ADAMTS19: variants seen among roughly 807,000 people sequenced by gnomAD.
ADAMTS19 encodes the protein A disintegrin and metalloproteinase with thrombospondin motifs 19.
In ADAMTS19, 93 loss-of-function variants were observed where a neutral mutation model predicts 153.3. That is an observed-to-expected ratio of 0.61 (90% CI 0.51 to 0.72). The LOEUF (loss-of-function observed/expected upper bound fraction) is 0.72. Ranked by LOEUF, ADAMTS19 falls within the 30% of genes least tolerant of loss-of-function variation. The pLI, the probability that ADAMTS19 is intolerant of heterozygous loss-of-function variation, is 0.00. For missense variants in ADAMTS19, 1,482 were observed against 1,552.1 expected, an observed-to-expected ratio of 0.95 and a Z score of 0.76; for synonymous variants, 600 against 556.6, an observed-to-expected ratio of 1.08 and a Z score of -1.10.
At chr5:129,694,105 A>G (rs1045617502) in intron 18 of ADAMTS19, among the ~76,000 whole-genome samples, 6 of 152,186 alleles carry the variant, frequency 3.9e-5, no homozygotes, top group Admixed American at 3.3e-4. Context: ...AAAGATGGCC[A>G]CAATCCTTTA....
intron 7 of ADAMTS19, among the ~76,000 whole-genome samples, chr5:129,585,900 C>G: frequency 6.6e-6 from 1 of 152,024 alleles, no homozygotes; most frequent in East Asian, 1.9e-4. Context: ...CTCCTGGGCA[C>G]TTTTAAGATT....
intron 15 of ADAMTS19, among the ~76,000 whole-genome samples, chr5:129,659,080 C>T (rs928551667): frequency 3.3e-5 from 5 of 152,150 alleles, no homozygotes; most frequent in Admixed American, 6.5e-5. Flanking sequence ...TTTGTAACAG[C>T]CTAAAGCAAC....
intron 10 of ADAMTS19, among the ~76,000 whole-genome samples, chr5:129,626,297 T>G (rs750992692): frequency 1.1e-4 from 16 of 152,096 alleles, no homozygotes; most frequent in Non-Finnish European, 2.1e-4. Context: ...TAAACTAATT[T>G]TTTTGTCTCC....
chr5:129,565,397 G>C (rs1753672409), intron 7 of ADAMTS19, among the ~76,000 whole-genome samples: 1 of 152,074 alleles, frequency 6.6e-6, no homozygotes, highest in Admixed American at 6.5e-5. Flanking sequence ...TGAGAGGCCT[G>C]GAAATATACT....
At chr5:129,629,736 T>C (rs42255) in intron 10 of ADAMTS19, among the ~76,000 whole-genome samples, 72,377 of 151,922 alleles carry the variant, frequency 0.48, 19,900 homozygotes, top group African/African-American at 0.76. Context: ...CTTGGATGGC[T>C]TTGTTCCTGA....
chr5:129,626,442 G>A (rs1185491671), intron 10 of ADAMTS19, among the ~76,000 whole-genome samples: 1 of 151,962 alleles, frequency 6.6e-6, no homozygotes, highest in Non-Finnish European at 1.5e-5. Flanking sequence ...AAATATGATT[G>A]TTTATTTAGG....
chr5:129,571,128 T>C (rs1009692851), intron 7 of ADAMTS19, among the ~76,000 whole-genome samples: 4 of 151,852 alleles, frequency 2.6e-5, no homozygotes, highest in Admixed American at 2.0e-4. Context: ...TAAAACTGTC[T>C]CTGCAGAAAA....
chr5:129,721,900 GC>G (rs1345021182), intron 21 of ADAMTS19, among the ~76,000 whole-genome samples: 1 of 152,124 alleles, frequency 6.6e-6, no homozygotes, highest in Non-Finnish European at 1.5e-5. Context: ...ATGTCTTCCA[GC>G]TGTATCCATG....
intron 6 of ADAMTS19, among the ~76,000 whole-genome samples, chr5:129,540,020 T>G (rs1309551182): frequency 6.6e-6 from 1 of 152,086 alleles, no homozygotes; most frequent in East Asian, 1.9e-4. Flanking sequence ...CCTTTCTAGT[T>G]AGGGTAAAGA....
At chr5:129,637,353 C>T (rs1752575956) in intron 10 of ADAMTS19, among the ~76,000 whole-genome samples, 1 of 152,036 alleles carries the variant, frequency 6.6e-6, no homozygotes, top group African/African-American at 2.4e-5. Flanking sequence ...AGGAAGAAAA[C>T]CTAATTTGGT....
In ADAMTS19 at chr5:129,701,546, A is replaced by T. The variant is rs775033482; in HGVS notation, c.3113A>T (p.Glu1038Val). The change falls in exon 20 of 23, where the codon GAG becomes GTG. Residue 1038 changes from glutamate to valine, a missense_variant. Glu to Val is a moderately radical substitution (Grantham distance 121). Around this residue, in one of 2 missense-constraint regions of ADAMTS19, gnomAD observed 616 missense variants for 724.4 expected, o/e 0.85. Coordinates refer to ENST00000274487, the MANE Select transcript of ADAMTS19 (RefSeq NM_133638.6). ...GPKPASAQRCEGQDCMTVWEA... is the reference protein window; with the variant it reads ...GPKPASAQRCVGQDCMTVWEA... ...AAGCCCGCCTCTGCCCAGCGCTGTG[A>T]GGGCCAGGACTGCATGACCGTGTGG... The T allele has an allele frequency of 1.1e-5, 18 of 1,614,082 alleles. No homozygotes were observed. The highest frequency in any genetic ancestry group is 1.1e-5 in the Non-Finnish European group (13 of 1,180,030).
chr5:129,534,703 C>T lies in ADAMTS19; in HGVS notation c.1328+6026C>T, dbSNP rs1752349289. Among the ~76,000 whole-genome samples the T allele has an allele frequency of 3.3e-5, 5 of 152,276 alleles. No homozygotes were observed. In the South Asian group the frequency reaches 1.0e-3, roughly 32 times the overall value. ...AATACTGGCAAACCGAATCCAGCAGCACATCAAAAAGCTTATCCACCATGA... is the reference window on the plus strand; with the variant it reads ...AATACTGGCAAACCGAATCCAGCAGTACATCAAAAAGCTTATCCACCATGA... On this transcript the variant is annotated intron_variant, in intron 6 of 22. Transcript: ENST00000274487.
chr5:129,508,189 T>A (rs1404956379), intron 2 of ADAMTS19, among the ~76,000 whole-genome samples: 1 of 151,900 alleles, frequency 6.6e-6, no homozygotes, highest in Non-Finnish European at 1.5e-5. Context: ...GTAATACAGG[T>A]TTTAGTATAT....
intron 2 of ADAMTS19, among the ~76,000 whole-genome samples, chr5:129,497,196 A>G: frequency 6.6e-6 from 1 of 152,060 alleles, no homozygotes; most frequent in East Asian, 1.9e-4. Flanking sequence ...AGAAGGCATT[A>G]ATTCTGATTT....
intron 8 of ADAMTS19, among the ~76,000 whole-genome samples, chr5:129,613,204 A>T (rs1751321268): frequency 6.6e-6 from 1 of 151,998 alleles, no homozygotes; most frequent in Non-Finnish European, 1.5e-5. Flanking sequence ...CATCTACAGA[A>T]CTCTCCACCC....
At chr5:129,584,225 G>A (rs566200994) in intron 7 of ADAMTS19, among the ~76,000 whole-genome samples, 7 of 152,240 alleles carry the variant, frequency 4.6e-5, no homozygotes, top group Non-Finnish European at 5.9e-5. Context: ...ACCAGGAGAG[G>A]CTGCAGAACA....
At chr5:129,579,505 C>G (rs1452555851) in intron 7 of ADAMTS19, among the ~76,000 whole-genome samples, 3 of 152,032 alleles carry the variant, frequency 2.0e-5, no homozygotes, top group African/African-American at 4.8e-5. Flanking sequence ...AGTCATGAAG[C>G]CTTTGCCCAT....
intron 6 of ADAMTS19, among the ~76,000 whole-genome samples, chr5:129,545,984 C>G (rs1415622101): frequency 6.7e-6 from 1 of 149,032 alleles, no homozygotes; most frequent in African/African-American, 2.6e-5. Context: ...TTGGAACCAA[C>G]CCAAATGTCC....
intron 7 of ADAMTS19, among the ~76,000 whole-genome samples, chr5:129,581,015 G>A (rs1469803249): frequency 1.3e-5 from 2 of 152,130 alleles, no homozygotes; most frequent in African/African-American, 4.8e-5. Context: ...AATGGTACTA[G>A]CTCCTCTTTG....
Sources: gnomAD v4.1 joint callset for allele counts (sites outside exome capture counted in the v4.1 genomes callset) on GRCh38, gnomAD v4.1.1 for gene constraint, gnomAD v4.1.1 regional missense constraint, MANE v1.5 for transcripts, NCBI Gene and HGNC (gene_info 2026-07-23, HGNC 2026-07-21) for gene names.